ZNF664: variants seen among roughly 807,000 people sequenced by gnomAD.
ZNF664 encodes zinc finger Organ of Corti 1.
A neutral mutation model predicts 18.2 loss-of-function variants in ZNF664; 10 were observed. The ratio of observed to expected loss-of-function variants is 0.55; its 90% CI spans 0.34 to 0.93. The LOEUF (loss-of-function observed/expected upper bound fraction) is 0.93, where lower values mean the gene tolerates loss of function less well. Ranked by LOEUF, ZNF664 falls within the 40% of genes least tolerant of loss-of-function variation. The pLI is 0.02. For missense variants in ZNF664, 193 were observed against 319.0 expected (o/e 0.61, Z 3.01); for synonymous variants, 119 against 104.2 (o/e 1.14, Z -0.86).
At chr12:123,981,834 AAATC>A (rs1956768436) in intron 2 of ZNF664, among the ~76,000 whole-genome samples, 1 of 152,276 alleles carries the variant, frequency 6.6e-6, no homozygotes, top group Non-Finnish European at 1.5e-5. Flanking sequence ...TATGGTATTA[AAATC>A]AATATTTCTA....
intron 2 of ZNF664, 194 bp downstream of exon 2, chr12:123,974,214 C>T (rs1223217079): frequency 7.3e-6 from 3 of 412,620 alleles, no homozygotes; most frequent in East Asian, 7.1e-5. Context: ...CAGAACTCAG[C>T]TCCTTTGTGA....
chr12:124,001,401 C>T (rs1957010296), intron 3 of ZNF664, among the ~76,000 whole-genome samples: 1 of 152,234 alleles, frequency 6.6e-6, no homozygotes, highest in Admixed American at 6.5e-5. Flanking sequence ...TCCACTGCTA[C>T]TAAGATAAAG....
At chr12:123,998,990 A>T (rs1956981704) in intron 3 of ZNF664, among the ~76,000 whole-genome samples, 1 of 152,112 alleles carries the variant, frequency 6.6e-6, no homozygotes, top group Admixed American at 6.5e-5. Flanking sequence ...GGATATAGGG[A>T]TCTTTCTATA....
intron 2 of ZNF664, among the ~76,000 whole-genome samples, chr12:123,975,896 T>C (rs752522523): frequency 6.6e-6 from 1 of 152,214 alleles, no homozygotes; most frequent in South Asian, 2.1e-4. Context: ...AGCTTTTATG[T>C]CCTTCAGGGA....
chr12:123,999,876 G>A (rs1956991530), intron 3 of ZNF664, among the ~76,000 whole-genome samples: 1 of 152,194 alleles, frequency 6.6e-6, no homozygotes, highest in East Asian at 1.9e-4. Flanking sequence ...ATGGGGAAGG[G>A]GGCAATAGCC....
At chr12:123,989,276 C>T (rs1005036110) in intron 3 of ZNF664, 2 of 152,402 alleles carry the variant, frequency 1.3e-5, no homozygotes, top group African/African-American at 4.8e-5. Context: ...TCTTCCTTTT[C>T]TCTCTTTTCC....
chr12:124,003,500 C>G (rs1450885620), intron 3 of ZNF664: 1 of 152,032 alleles, frequency 6.6e-6, no homozygotes, highest in Non-Finnish European at 1.5e-5. Context: ...CAGGTTCAAG[C>G]GATTCTCCTG....
intron 3 of ZNF664, among the ~76,000 whole-genome samples, chr12:123,992,208 G>A (rs1055562254): frequency 1.3e-5 from 2 of 152,126 alleles, no homozygotes; most frequent in African/African-American, 4.8e-5. Context: ...AAACACCTGG[G>A]GACCAAGTAG....
chr12:123,999,172 ATCACATGGTCATC>A (rs1956983650), intron 3 of ZNF664, among the ~76,000 whole-genome samples: 1 of 152,204 alleles, frequency 6.6e-6, no homozygotes, highest in African/African-American at 2.4e-5. Flanking sequence ...GGGGAGATGA[ATCACATGGTCATC>A]TCAACTCATT....
intron 3 of ZNF664, among the ~76,000 whole-genome samples, chr12:123,992,916 C>T (rs538863484): frequency 1.3e-5 from 2 of 152,286 alleles, no homozygotes; most frequent in East Asian, 3.9e-4. Context: ...CTCTTCTCCT[C>T]TCAGTTCTGA....
chr12:124,011,927 C>A lies in ZNF664; in HGVS notation c.-218C>A. Reference sequence around the variant, plus strand: ...GTGGAAGTCAATGTCACTTTATAATCGATAATAATACTGAGTGAGGAACAC... The same window carrying A: ...GTGGAAGTCAATGTCACTTTATAATAGATAATAATACTGAGTGAGGAACAC... On this transcript the variant is annotated 5_prime_UTR_variant, in exon 5 of 5. Coordinates refer to ENST00000337815, the MANE Select transcript of ZNF664 (RefSeq NM_152437.3). 2 of 1,350,950 alleles carry A rather than the reference C, an allele frequency of 1.5e-6. No homozygotes were observed. Among genetic ancestry groups the A allele is most frequent in the Non-Finnish European group, 1.9e-6 (2 of 1,058,942 alleles). The allele number at this position is 1,350,950 out of a possible 1,614,324, so 83.7% of individuals were successfully genotyped here.
intron 2 of ZNF664, among the ~76,000 whole-genome samples, chr12:123,976,155 A>G (rs1465040005): frequency 1.3e-5 from 2 of 152,222 alleles, no homozygotes; most frequent in Non-Finnish European, 2.9e-5. Context: ...GAATTTAAAC[A>G]CAATCACAAC....
chr12:123,978,550 A>C (rs1269821614), intron 2 of ZNF664, among the ~76,000 whole-genome samples: 1 of 152,212 alleles, frequency 6.6e-6, no homozygotes, highest in Non-Finnish European at 1.5e-5. Context: ...TTGTTCCTGG[A>C]GGGGAAGGCA....
chr12:124,013,421 A>G lies in ZNF664; in HGVS notation c.*491A>G, dbSNP rs557713901. ...GGTTAACACTTGATTTAGCCCCTAC[A>G]TATCTTTCCATATATCCTATTATTT... On this transcript the variant is annotated 3_prime_UTR_variant, in exon 5 of 5. Transcript: ENST00000337815. 2 of 177,506 alleles carry G rather than the reference A, an allele frequency of 1.1e-5. No homozygotes were observed. Among genetic ancestry groups the G allele is most frequent in the East Asian group, 1.8e-4 (1 of 5,504 alleles). 11.0% of individuals were successfully genotyped at this position (177,506 alleles called of 1,614,324 possible).
At chr12:123,987,564 A>G (rs993042335) in intron 2 of ZNF664, among the ~76,000 whole-genome samples, 1 of 152,208 alleles carries the variant, frequency 6.6e-6, no homozygotes, top group Non-Finnish European at 1.5e-5. Context: ...TCCTAGGTGA[A>G]GGTTACACAG....
Position 123,974,038 on chromosome 12 carries a change from G to C in ZNF664, c.-757+18G>C, listed in dbSNP as rs1956644412. 1.0e-6 allele frequency: 1 copy of C among 1,004,460 alleles called. No homozygotes were observed. Among genetic ancestry groups the C allele is most frequent in the African/African-American group, 1.7e-5 (1 of 59,052 alleles). 62.2% of individuals were successfully genotyped at this position (1,004,460 alleles called of 1,614,324 possible). A position where few individuals can be genotyped will look rare whatever the true frequency, so the allele number is the denominator to read the frequency against. ...TCACCCAGGTAAACCGGCTGCCGGC[G>C]CTGTCCACTTCCCTCTGACTCCCGC... is the stretch of plus-strand genomic sequence containing the variant. On this transcript the variant is annotated intron_variant, in intron 2 of 4. Coordinates refer to ENST00000337815, the MANE Select transcript of ZNF664 (RefSeq NM_152437.3).
intron 1 of ZNF664, 103 bp downstream of exon 1, chr12:123,973,455 C>A (rs12823740): frequency 0.31 from 207,842 of 676,160 alleles, 37,696 homozygotes; most frequent in African/African-American, 0.53. Context: ...GGTGGAGTGG[C>A]TTAAAGAAAA....
At chr12:123,984,231 G>A (rs1323554322) in intron 2 of ZNF664, among the ~76,000 whole-genome samples, 1 of 152,222 alleles carries the variant, frequency 6.6e-6, no homozygotes, top group African/African-American at 2.4e-5. Flanking sequence ...ATAATACTGG[G>A]TTTATGCAGT....
At position 124,013,891 on chromosome 12, in the gene ZNF664, A is replaced by G. The variant is rs1957161938; in HGVS notation, c.*961A>G. 1.2e-5 allele frequency: 2 copies of G among 166,998 alleles called. No individual in the cohort carries two copies. Among genetic ancestry groups the G allele is most frequent in the Admixed American group, 6.5e-5 (1 of 15,272 alleles). The allele number at this position is 166,998 out of a possible 1,614,324, so 10.3% of individuals were successfully genotyped here. ...GCAATAATGCATAGGAGTTCTTGAT[A>G]CCCCTTCATTGATTACTGTGTATCA... On this transcript the variant is annotated 3_prime_UTR_variant, in exon 5 of 5. Transcript: ENST00000337815.
Sources: gnomAD v4.1 joint callset for allele counts (sites outside exome capture counted in the v4.1 genomes callset) on GRCh38, gnomAD v4.1.1 for gene constraint, MANE v1.5 for transcripts, NCBI Gene and HGNC (gene_info 2026-07-23, HGNC 2026-07-21) for gene names.